The following AEBP2 variants were observed in gnomAD, a reference collection of about 807,000 sequenced individuals.
The protein encoded by AEBP2 is AE binding protein 2, also known as zinc finger protein AEBP2.
AEBP2 carries 10 observed loss-of-function variants against 50.8 expected under a neutral mutation model. That is an observed-to-expected ratio of 0.20 (90% CI 0.12 to 0.33). The LOEUF (loss-of-function observed/expected upper bound fraction) is 0.33. Ranked by LOEUF, AEBP2 falls within the 10% of genes least tolerant of loss-of-function variation. The probability of loss-of-function intolerance (pLI) is 1.00; values close to 1 mark genes in which losing one functional copy is unlikely to be tolerated. For missense variants in AEBP2, 570 were observed against 688.0 expected, an observed-to-expected ratio of 0.83 and a Z score of 1.92; for synonymous variants, 296 against 261.3, an observed-to-expected ratio of 1.13 and a Z score of -1.28.
intron 2 of AEBP2, among the ~76,000 whole-genome samples, chr12:19,464,536 A>T (rs370923688): frequency 5.3e-5 from 8 of 152,216 alleles, no homozygotes; most frequent in African/African-American, 1.9e-4. Context: ...TGTAGAAAAA[A>T]TGCAGTTACA....
chr12:19,456,065 C>T (rs1423710924), intron 1 of AEBP2, among the ~76,000 whole-genome samples: 7 of 151,826 alleles, frequency 4.6e-5, no homozygotes, highest in Non-Finnish European at 1.0e-4. Context: ...AACTGCCACG[C>T]GCAAAAAAGA....
chr12:19,437,516 G>T (rs550275499), upstream of AEBP2, among the ~76,000 whole-genome samples: 35 of 152,128 alleles, frequency 2.3e-4, no homozygotes, highest in Middle Eastern at 0.01. Flanking sequence ...TGGGACTACA[G>T]GTGTGCCGTA....
rs896870513 is a variant in AEBP2, at chr12:19,404,954, A to G, written c.-17+738A>G. ...TCTTTTTTTTTTTTTTTTTTTTTTC[A>G]GACAAGGTCTCACTGTGTTGCCCAG... is the stretch of plus-strand genomic sequence containing the variant. On this transcript the variant is annotated intron_variant, in intron 1 of 3. Transcript: ENST00000538425. Among the ~76,000 whole-genome samples the G allele has an allele frequency of 2.1e-3, 165 of 77,246 alleles. 3 individuals carry two copies. Among genetic ancestry groups the G allele is most frequent in the African/African-American group, 0.012 (159 of 13,726 alleles). 50.7% of individuals were successfully genotyped at this position (77,246 alleles called of 152,430 possible).
At chr12:19,481,503 G>A (rs555419373) in intron 3 of AEBP2, among the ~76,000 whole-genome samples, 22 of 149,576 alleles carry the variant, frequency 1.5e-4, no homozygotes, top group African/African-American at 5.2e-4. Flanking sequence ...GCAGAGTCTT[G>A]TTCTGTCACC....
intron 1 of AEBP2, among the ~76,000 whole-genome samples, chr12:19,433,812 A>G (rs147292862): frequency 0.013 from 1,906 of 152,184 alleles, 16 homozygotes; most frequent in Middle Eastern, 0.024. Context: ...CAAAAAAAAA[A>G]AAGTATAAAC....
chr12:19,439,897 C>CGGCGGA lies in AEBP2; in HGVS notation c.204_209dup (p.Gly72_Gly73dup), dbSNP rs1331488293. On this transcript the variant is annotated inframe_insertion, in exon 1 of 8. Coordinates refer to ENST00000266508, the MANE Select transcript of AEBP2 (RefSeq NM_153207.5). ...TGCTGAACGGCGGCAGCGGTGGGGG[C>CGGCGGA]GGCGGAGGCGGCGGCGGAGGAGTGG... 19 of 1,476,378 alleles carry CGGCGGA rather than the reference C, an allele frequency of 1.3e-5. No individual in the cohort carries two copies. Among genetic ancestry groups the CGGCGGA allele is most frequent in the Non-Finnish European group, 1.7e-5 (19 of 1,122,804 alleles). 91.5% of individuals were successfully genotyped at this position (1,476,378 alleles called of 1,614,324 possible).
rs183980363 is a variant in AEBP2, at chr12:19,454,187, A to C, written c.672-8323A>C. 1.8e-3 allele frequency among the ~76,000 whole-genome samples: 279 copies of C among 152,254 alleles called. 1 individual carries two copies. The highest frequency in any genetic ancestry group is 4.6e-3 in the Admixed American group (70 of 15,288). On this transcript the variant is annotated intron_variant, in intron 1 of 7. Transcript: ENST00000266508. ...TTAACAGATGTGAGCAACTGCGCTG[A>C]CCACATTAGTTCTACTGATTTAGGA...
intron 3 of AEBP2, among the ~76,000 whole-genome samples, chr12:19,489,692 C>G (rs1948866491): frequency 6.6e-6 from 1 of 152,190 alleles, no homozygotes; most frequent in Admixed American, 6.6e-5. Context: ...TGGTACTAGA[C>G]TATTTGAAGC....
At chr12:19,486,837 C>T (rs1230435489) in intron 3 of AEBP2, among the ~76,000 whole-genome samples, 1 of 151,472 alleles carries the variant, frequency 6.6e-6, no homozygotes, top group Non-Finnish European at 1.5e-5. Flanking sequence ...GTTTCTGTAA[C>T]CCAGGCTGGA....
chr12:19,451,731 C>T (rs1450171506), intron 1 of AEBP2, among the ~76,000 whole-genome samples: 2 of 150,986 alleles, frequency 1.3e-5, no homozygotes, highest in Non-Finnish European at 2.9e-5. Context: ...TGCTGGGTTG[C>T]CCAGGCTGGA....
chr12:19,458,017 T>C (rs1948302281), intron 1 of AEBP2, among the ~76,000 whole-genome samples: 2 of 152,200 alleles, frequency 1.3e-5, no homozygotes, highest in South Asian at 2.1e-4. Flanking sequence ...TAGGTGTTCA[T>C]TGAAAAGGAG....
chr12:19,500,575 T>C (rs1949053445), intron 5 of AEBP2, among the ~76,000 whole-genome samples: 1 of 152,186 alleles, frequency 6.6e-6, no homozygotes, highest in African/African-American at 2.4e-5. Context: ...ATGAGACTCC[T>C]TTTACCTCTA....
chr12:19,448,064 T>C (rs1948104063), intron 1 of AEBP2, among the ~76,000 whole-genome samples: 1 of 152,198 alleles, frequency 6.6e-6, no homozygotes, highest in Non-Finnish European at 1.5e-5. Flanking sequence ...TATTTCTTTT[T>C]AAAACATTTT....
At position 19,502,916 on chromosome 12, in the gene AEBP2, G is replaced by T. The variant is rs372267477; in HGVS notation, c.1299+2695G>T. 2.6e-5 allele frequency among the ~76,000 whole-genome samples: 4 copies of T among 152,226 alleles called. No homozygotes were observed. In the East Asian group the frequency reaches 7.7e-4, roughly 29 times the overall value. On this transcript the variant is annotated intron_variant, in intron 5 of 7. Coordinates refer to ENST00000266508, the MANE Select transcript of AEBP2 (RefSeq NM_153207.5). Reference sequence around the variant, plus strand: ...AGCCGCTTCAGCTTCCCAGAGTGCTGGGATTAATAGGCGCGAGCCACCACG... The same window carrying T: ...AGCCGCTTCAGCTTCCCAGAGTGCTTGGATTAATAGGCGCGAGCCACCACG...
chr12:19,450,444 G>A (rs771576611), intron 1 of AEBP2, among the ~76,000 whole-genome samples: 55 of 150,034 alleles, frequency 3.7e-4, no homozygotes, highest in Middle Eastern at 3.2e-3. Context: ...TTATGTAGAT[G>A]TTAAATATCT....
chr12:19,442,570 T>C (rs192283383), intron 1 of AEBP2, among the ~76,000 whole-genome samples: 1 of 152,210 alleles, frequency 6.6e-6, no homozygotes, highest in African/African-American at 2.4e-5. Flanking sequence ...AATTTTTACA[T>C]CTTATTTCAG....
chr12:19,497,881 T>A (rs1426551731), intron 4 of AEBP2, among the ~76,000 whole-genome samples: 1 of 152,232 alleles, frequency 6.6e-6, no homozygotes, highest in Non-Finnish European at 1.5e-5. Context: ...TACTGCACAT[T>A]ATACAAAATT....
rs10643072 is a variant in AEBP2 at position 19,468,126 on chromosome 12, T to TTGTGTG, written c.880-5096_880-5091dup. 4.5e-3 allele frequency among the ~76,000 whole-genome samples: 648 copies of TTGTGTG among 144,044 alleles called. 6 individuals carry two copies. Among genetic ancestry groups the TTGTGTG allele is most frequent in the African/African-American group, 9.9e-3 (388 of 39,164 alleles). The allele number at this position is 144,044 out of a possible 152,430, so 94.5% of individuals were successfully genotyped here. ...ATCCATCCAACCCCTCTGCCTGACT[T>TTGTGTG]TGTGTGTGTGTGTGTGTGTGTGTGT... On this transcript the variant is annotated intron_variant, in intron 2 of 7. Coordinates refer to ENST00000266508, the MANE Select transcript of AEBP2 (RefSeq NM_153207.5).
intron 1 of AEBP2, among the ~76,000 whole-genome samples, chr12:19,441,485 A>T (rs1565703864): frequency 6.6e-6 from 1 of 152,208 alleles, no homozygotes; most frequent in Non-Finnish European, 1.5e-5. Context: ...AAGTATAGCA[A>T]TGGAAATTTT....
Sources: gnomAD v4.1 joint callset for allele counts (sites outside exome capture counted in the v4.1 genomes callset) on GRCh38, gnomAD v4.1.1 for gene constraint, MANE v1.5 for transcripts, NCBI Gene and HGNC (gene_info 2026-07-23, HGNC 2026-07-21) for gene names.